The following PEBP4 variants were observed in gnomAD, a reference collection of about 807,000 sequenced individuals.
PEBP4 encodes phosphatidylethanolamine-binding protein 4.
A neutral mutation model predicts 23.9 loss-of-function variants in PEBP4; 22 were observed. That is an observed-to-expected ratio of 0.92 (90% confidence interval 0.66 to 1.31). PEBP4 has a LOEUF of 1.31. Among genes scored for constraint, PEBP4 ranks in the 40% most tolerant of loss-of-function variants. The pLI, the probability that PEBP4 is intolerant of heterozygous loss-of-function variation, is 0.00. For synonymous variants in PEBP4, 112 were observed against 99.3 expected, an observed-to-expected ratio of 1.13 and a Z score of -0.76; for missense variants, 324 against 281.7, an observed-to-expected ratio of 1.15 and a Z score of -1.07.
At position 22,793,001 on chromosome 8, in the gene PEBP4, T is replaced by C. The variant is rs569655056; in HGVS notation, c.357+24636A>G. On this transcript the variant is annotated intron_variant, in intron 4 of 6. Coordinates refer to ENST00000256404, the MANE Select transcript of PEBP4 (RefSeq NM_144962.3). ...GCAATTTTTAAGTACAATTTTAAAA[T>C]TGGATTACAAAATTATATATATTAT... Among the ~76,000 whole-genome samples, 13 of 152,332 alleles carry C rather than the reference T, an allele frequency of 8.5e-5. 1 individual carries two copies. Among genetic ancestry groups the C allele is most frequent in the African/African-American group, 2.4e-4 (10 of 41,574 alleles).
chr8:22,904,632 A>C (rs548687373), intron 3 of PEBP4, among the ~76,000 whole-genome samples: 1 of 152,352 alleles, frequency 6.6e-6, no homozygotes, highest in South Asian at 2.1e-4. Context: ...ACTCAAGGAG[A>C]TCCAATGTTA....
intron 4 of PEBP4, among the ~76,000 whole-genome samples, chr8:22,731,408 T>A (rs1804728744): frequency 6.6e-6 from 1 of 152,210 alleles, no homozygotes; most frequent in South Asian, 2.1e-4. Context: ...TCCTTAGGAT[T>A]TTCTTAATAC....
chr8:22,759,381 G>T (rs555984045), intron 4 of PEBP4, among the ~76,000 whole-genome samples: 46 of 151,564 alleles, frequency 3.0e-4, no homozygotes, highest in African/African-American at 1.0e-3. Context: ...AACAAAGGGT[G>T]GACTGGAGTA....
intron 4 of PEBP4, among the ~76,000 whole-genome samples, chr8:22,812,305 A>G (rs1205246944): frequency 6.6e-6 from 1 of 152,150 alleles, no homozygotes; most frequent in Non-Finnish European, 1.5e-5. Context: ...TATTCACCTA[A>G]TGTACTTAGA....
At chr8:22,773,386 G>C (rs765352194) in intron 4 of PEBP4, among the ~76,000 whole-genome samples, 10 of 152,174 alleles carry the variant, frequency 6.6e-5, no homozygotes, top group Non-Finnish European at 1.3e-4. Flanking sequence ...ACTTCCTGCA[G>C]GGCACAAAGC....
intron 3 of PEBP4, among the ~76,000 whole-genome samples, chr8:22,818,151 G>A (rs1806785131): frequency 6.6e-6 from 1 of 152,114 alleles, no homozygotes; most frequent in Non-Finnish European, 1.5e-5. Context: ...TGTCAAGAAC[G>A]GTACCTATCA....
At chr8:22,817,313 G>C (rs1257997747) in intron 4 of PEBP4, among the ~76,000 whole-genome samples, 7 of 152,228 alleles carry the variant, frequency 4.6e-5, no homozygotes, top group African/African-American at 1.7e-4. Flanking sequence ...GTGTGAGTCA[G>C]TTGTTAAATC....
chr8:22,931,306 A>G (rs1809453017), upstream of PEBP4, among the ~76,000 whole-genome samples: 1 of 152,194 alleles, frequency 6.6e-6, no homozygotes, highest in Admixed American at 6.5e-5. Flanking sequence ...GTATGTTCAC[A>G]AGCTTGTGCA....
chr8:22,906,032 C>T (rs942516403), intron 3 of PEBP4, among the ~76,000 whole-genome samples: 1 of 152,142 alleles, frequency 6.6e-6, no homozygotes, highest in African/African-American at 2.4e-5. Context: ...GAGGCAGCCG[C>T]TGACATTGCA....
intron 3 of PEBP4, among the ~76,000 whole-genome samples, chr8:22,867,879 C>T (rs1807937075): frequency 6.6e-6 from 1 of 152,180 alleles, no homozygotes; most frequent in Non-Finnish European, 1.5e-5. Context: ...GCATGTTAAC[C>T]CTGGGACCTG....
At chr8:22,717,671 C>T (rs911827451) in intron 6 of PEBP4, among the ~76,000 whole-genome samples, 6 of 152,200 alleles carry the variant, frequency 3.9e-5, no homozygotes, top group South Asian at 2.1e-4. Flanking sequence ...GTTCTGGCTC[C>T]GGCTCCGAAC....
At chr8:22,723,947 C>T (rs1433117190) in intron 6 of PEBP4, among the ~76,000 whole-genome samples, 16 of 152,132 alleles carry the variant, frequency 1.1e-4, no homozygotes, top group South Asian at 2.1e-4. Flanking sequence ...GATGTTTGGT[C>T]GAGGTCACTG....
At chr8:22,858,212 T>G (rs1435576351) in intron 3 of PEBP4, among the ~76,000 whole-genome samples, 1 of 152,018 alleles carries the variant, frequency 6.6e-6, no homozygotes, top group African/African-American at 2.4e-5. Flanking sequence ...AAGGAATCGT[T>G]CAGCTTCCTG....
At chr8:22,840,837 C>T (rs1585301559) in intron 3 of PEBP4, among the ~76,000 whole-genome samples, 1 of 152,130 alleles carries the variant, frequency 6.6e-6, no homozygotes, top group Non-Finnish European at 1.5e-5. Context: ...GTGCCTGACA[C>T]ACATGAGACA....
intron 3 of PEBP4, among the ~76,000 whole-genome samples, chr8:22,843,649 T>C (rs1039051578): frequency 6.6e-5 from 10 of 152,256 alleles, no homozygotes; most frequent in African/African-American, 2.4e-4. Flanking sequence ...AAAATTAGCC[T>C]TATTGGGCCT....
At chr8:22,770,824 C>T (rs950369527) in intron 4 of PEBP4, among the ~76,000 whole-genome samples, 1 of 152,226 alleles carries the variant, frequency 6.6e-6, no homozygotes, top group Non-Finnish European at 1.5e-5. Context: ...ATCCGCTCAA[C>T]ATGTATTTAT....
intron 3 of PEBP4, among the ~76,000 whole-genome samples, chr8:22,852,684 A>C (rs1233433137): frequency 1.3e-5 from 2 of 152,212 alleles, no homozygotes; most frequent in East Asian, 3.8e-4. Flanking sequence ...AAAGAAAAAA[A>C]AAATAAGAAA....
intron 3 of PEBP4, among the ~76,000 whole-genome samples, chr8:22,898,076 G>A (rs994993990): frequency 3.9e-5 from 6 of 152,144 alleles, no homozygotes; most frequent in African/African-American, 1.2e-4. Context: ...AGAACAGTGA[G>A]AAAATAAATG....
upstream of PEBP4, among the ~76,000 whole-genome samples, chr8:22,928,284 G>A (rs1365951721): frequency 1.3e-5 from 2 of 152,234 alleles, no homozygotes; most frequent in South Asian, 2.1e-4. Context: ...GTTGGACACA[G>A]TGACCTTGTG....
Sources: gnomAD v4.1 joint callset for allele counts (sites outside exome capture counted in the v4.1 genomes callset) on GRCh38, gnomAD v4.1.1 for gene constraint, MANE v1.5 for transcripts, NCBI Gene and HGNC (gene_info 2026-07-23, HGNC 2026-07-21) for gene names.